TACR1: variants seen among roughly 807,000 people sequenced by gnomAD.
The protein encoded by TACR1 is tachykinin receptor 1.
A neutral mutation model predicts 35.8 loss-of-function variants in TACR1; 25 were observed. That is an observed-to-expected ratio of 0.70 (90% CI 0.51 to 0.98). TACR1 has a LOEUF of 0.98. Among genes scored for constraint, TACR1 ranks in the 50% least tolerant of loss-of-function variants. TACR1 has a pLI of 0.00. For synonymous variants in TACR1, 195 were observed against 206.7 expected, an observed-to-expected ratio of 0.94 and a Z score of 0.48; for missense variants, 478 against 522.9, an observed-to-expected ratio of 0.91 and a Z score of 0.84.
intron 2 of TACR1, among the ~76,000 whole-genome samples, chr2:75,071,943 C>T (rs1315869605): frequency 2.6e-5 from 4 of 152,076 alleles, no homozygotes; most frequent in Admixed American, 6.6e-5. Flanking sequence ...GGGATGGAGA[C>T]AAAAGCCAGA....
At position 75,049,362 on chromosome 2, in the gene TACR1, G is replaced by C; in HGVS notation, c.*70C>G. The C allele has an allele frequency of 6.6e-7, 1 of 1,518,224 alleles. No individual in the cohort carries two copies. Among genetic ancestry groups the C allele is most frequent in the Middle Eastern group, 2.0e-4 (1 of 5,124 alleles). The allele number at this position is 1,518,224 out of a possible 1,614,324, so 94.0% of individuals were successfully genotyped here. On this transcript the variant is annotated 3_prime_UTR_variant, in exon 5 of 5. Transcript: ENST00000305249. ...GGTGTTTCTGATGGTTCCAGATGAA[G>C]GGAATTTCCATGCATGAAGGGAGGC...
chr2:75,143,671 A>G (rs1674452683), intron 1 of TACR1, among the ~76,000 whole-genome samples: 1 of 152,238 alleles, frequency 6.6e-6, no homozygotes, highest in Admixed American at 6.5e-5. Context: ...CAACGGTCTC[A>G]TGACTAGTGA....
chr2:75,083,938 C>T (rs1335827434), intron 2 of TACR1, among the ~76,000 whole-genome samples: 1 of 152,100 alleles, frequency 6.6e-6, no homozygotes, highest in East Asian at 1.9e-4. Flanking sequence ...TGCCTGATTG[C>T]CCTGGCCAGA....
chr2:75,120,831 A>G (rs1460532167), intron 1 of TACR1, 63 bp from the exon 2 acceptor site: 3 of 1,321,578 alleles, frequency 2.3e-6, no homozygotes, highest in East Asian at 2.5e-5. Flanking sequence ...CAGAGATTCC[A>G]TATTTTTCCT....
intron 2 of TACR1, among the ~76,000 whole-genome samples, chr2:75,079,352 T>G (rs994541584): frequency 2.0e-5 from 3 of 152,214 alleles, no homozygotes; most frequent in Non-Finnish European, 4.4e-5. Context: ...TCTTTCTCCC[T>G]TCCAACCCAT....
chr2:75,056,721 A>C (rs555881405), intron 2 of TACR1, among the ~76,000 whole-genome samples: 13 of 152,382 alleles, frequency 8.5e-5, no homozygotes, highest in African/African-American at 3.1e-4. Flanking sequence ...ATACGTAAAC[A>C]TAATTTATCA....
At chr2:75,134,556 G>T (rs1042162630) in intron 1 of TACR1, among the ~76,000 whole-genome samples, 15 of 152,182 alleles carry the variant, frequency 9.9e-5, no homozygotes, top group Admixed American at 1.3e-4. Flanking sequence ...TTTCTCAGTG[G>T]AGGTGACATT....
chr2:75,049,854 A>C, intron 4 of TACR1, 131 bp from the exon 5 acceptor site: 1 of 1,130,422 alleles, frequency 8.8e-7, no homozygotes, highest in Non-Finnish European at 1.2e-6. Context: ...AAATTCAATG[A>C]CAGCTGGAGA....
chr2:75,080,103 A>C (rs1185565174), intron 2 of TACR1, among the ~76,000 whole-genome samples: 1 of 152,202 alleles, frequency 6.6e-6, no homozygotes, highest in Non-Finnish European at 1.5e-5. Context: ...AGTAAGATTG[A>C]GATAAGGTTA....
intron 1 of TACR1, among the ~76,000 whole-genome samples, chr2:75,176,012 CAAAA>C (rs34884122): frequency 1.8e-5 from 2 of 109,598 alleles, no homozygotes; most frequent in African/African-American, 3.4e-5. Flanking sequence ...TTGAGCTGTC[CAAAA>C]AAAAAAAAAA....
At chr2:75,145,686 C>T (rs542865404) in intron 1 of TACR1, among the ~76,000 whole-genome samples, 3 of 152,126 alleles carry the variant, frequency 2.0e-5, no homozygotes, top group Non-Finnish European at 4.4e-5. Context: ...ATGAAACTGT[C>T]AAATATTCCT....
chr2:75,095,680 T>C (rs1321511851), intron 2 of TACR1, among the ~76,000 whole-genome samples: 1 of 152,208 alleles, frequency 6.6e-6, no homozygotes, highest in Non-Finnish European at 1.5e-5. Context: ...GAATTAGCGC[T>C]CGCCTAATAT....
At chr2:75,124,317 C>G (rs563607477) in intron 1 of TACR1, among the ~76,000 whole-genome samples, 4 of 152,210 alleles carry the variant, frequency 2.6e-5, no homozygotes, top group African/African-American at 7.2e-5. Context: ...CTCTGACAAG[C>G]GGCAGTATCT....
chr2:75,198,446 A>G (rs961033198), intron 1 of TACR1, 100 bp downstream of exon 1: 162 of 1,409,664 alleles, frequency 1.1e-4, no homozygotes, highest in Middle Eastern at 5.1e-4. Context: ...AGAGTGGCCA[A>G]TCTTCCACTT....
chr2:75,134,896 T>C (rs1034408416), intron 1 of TACR1, among the ~76,000 whole-genome samples: 23 of 152,320 alleles, frequency 1.5e-4, no homozygotes, highest in Non-Finnish European at 2.5e-4. Context: ...GCTAGAGGAT[T>C]GAGTGAGGAA....
intron 1 of TACR1, among the ~76,000 whole-genome samples, chr2:75,164,107 C>T (rs1172981261): frequency 6.6e-6 from 1 of 152,056 alleles, no homozygotes; most frequent in Non-Finnish European, 1.5e-5. Context: ...GCGGATGGTT[C>T]ACGAGGTCAG....
chr2:75,122,249 C>G (rs1400712530), intron 1 of TACR1, among the ~76,000 whole-genome samples: 1 of 152,184 alleles, frequency 6.6e-6, no homozygotes, highest in Non-Finnish European at 1.5e-5. Flanking sequence ...GGGGCTTCGA[C>G]AGGTGTGCTG....
chr2:75,155,785 A>G (rs925286102), intron 1 of TACR1, among the ~76,000 whole-genome samples: 1 of 152,278 alleles, frequency 6.6e-6, no homozygotes, highest in Non-Finnish European at 1.5e-5. Context: ...TAATGTAGAC[A>G]GAACAGATAG....
intron 1 of TACR1, among the ~76,000 whole-genome samples, chr2:75,169,555 A>G (rs965811948): frequency 1.3e-5 from 2 of 152,182 alleles, no homozygotes; most frequent in African/African-American, 4.8e-5. Context: ...CCTTTTAGTT[A>G]TCTTTTATTT....
Sources: gnomAD v4.1 joint callset for allele counts (sites outside exome capture counted in the v4.1 genomes callset) on GRCh38, gnomAD v4.1.1 for gene constraint, MANE v1.5 for transcripts, NCBI Gene and HGNC (gene_info 2026-07-23, HGNC 2026-07-21) for gene names.